The following PBX1 variants were observed in gnomAD, a reference collection of about 807,000 sequenced individuals.
PBX1 encodes the protein PBX homeobox 1, also known as pre-B-cell leukemia transcription factor 1.
PBX1 carries 6 observed loss-of-function variants against 53.4 expected under a neutral mutation model. The observed-to-expected ratio is 0.11, with a 90% CI of 0.06 to 0.22. The LOEUF (loss-of-function observed/expected upper bound fraction) is 0.22, where lower values mean the gene tolerates loss of function less well. PBX1 is among the 10% of genes least tolerant of loss of function. PBX1 has a pLI of 1.00. For missense variants in PBX1, 251 were observed against 551.4 expected (o/e 0.46, Z 5.46); for synonymous variants, 204 against 212.3 (o/e 0.96, Z 0.34).
chr1:164,736,465 C>T (rs1035246447), intron 2 of PBX1, among the ~76,000 whole-genome samples: 6 of 152,148 alleles, frequency 3.9e-5, no homozygotes, highest in Non-Finnish European at 8.8e-5. Flanking sequence ...CTCTCTCATT[C>T]CACGCTCTCT....
intron 2 of PBX1, among the ~76,000 whole-genome samples, chr1:164,705,485 A>G (rs1432206914): frequency 2.6e-5 from 4 of 152,208 alleles, no homozygotes; most frequent in African/African-American, 9.6e-5. Context: ...TGGGGATCAT[A>G]TCACTATGTG....
rs984590584 is a variant in PBX1 at position 164,875,396 on chromosome 1, G to C, written n.258-23792G>C. On this transcript the variant is annotated intron_variant and non_coding_transcript_variant, in intron 2 of 2. Transcript: ENST00000558796. ...TAGTTCACTGCAACCTTGACCTCTT[G>C]GGCTCAAGAGATCCTCACACTTCAG... Among the ~76,000 whole-genome samples the C allele has an allele frequency of 5.9e-5, 9 of 152,188 alleles. No individual in the cohort carries two copies. In the South Asian group the frequency reaches 1.0e-3, roughly 18 times the overall value.
intron 2 of PBX1, among the ~76,000 whole-genome samples, chr1:164,707,479 C>A (rs1018225896): frequency 6.7e-6 from 1 of 149,524 alleles, no homozygotes; most frequent in Non-Finnish European, 1.5e-5. Context: ...CCCTGTAATC[C>A]TGTCTCATAC....
At chr1:164,856,910 G>A (rs564592498) in intron 2 of PBX1, among the ~76,000 whole-genome samples, 13 of 152,092 alleles carry the variant, frequency 8.5e-5, no homozygotes, top group Admixed American at 2.6e-4. Flanking sequence ...GAACACATTG[G>A]TTGCTCACTA....
intron 2 of PBX1, among the ~76,000 whole-genome samples, chr1:164,768,314 T>C (rs1339446037): frequency 6.6e-6 from 1 of 152,136 alleles, no homozygotes. Context: ...CAAGCTTGTA[T>C]TCTTCCCACA....
chr1:164,732,050 G>T (rs2102140368), intron 2 of PBX1, among the ~76,000 whole-genome samples: 1 of 152,268 alleles, frequency 6.6e-6, no homozygotes, highest in South Asian at 2.1e-4. Context: ...GGACAACCTG[G>T]ACAGTGATGC....
chr1:164,654,964 G>A (rs1455734735), intron 2 of PBX1, among the ~76,000 whole-genome samples: 3 of 152,180 alleles, frequency 2.0e-5, no homozygotes, highest in Non-Finnish European at 4.4e-5. Context: ...ATGGAAGATG[G>A]GCTCCTAGCG....
chr1:164,784,442 A>G (rs950958586), intron 2 of PBX1, among the ~76,000 whole-genome samples: 2 of 152,232 alleles, frequency 1.3e-5, no homozygotes, highest in Non-Finnish European at 2.9e-5. Context: ...ATCCATGCCC[A>G]TGCATCCCCT....
At chr1:164,856,005 G>T (rs1403863090), downstream of PBX1, among the ~76,000 whole-genome samples, 1 of 152,112 alleles carries the variant, frequency 6.6e-6, no homozygotes, top group Non-Finnish European at 1.5e-5. Flanking sequence ...TTTAAACCCT[G>T]CATTCCTAAT....
intron 8 of PBX1, among the ~76,000 whole-genome samples, chr1:164,821,840 A>G (rs1367284531): frequency 2.0e-5 from 3 of 152,112 alleles, no homozygotes; most frequent in Admixed American, 6.5e-5. Context: ...GCTGGCGTCT[A>G]GGGCTGTCAG....
At chr1:164,797,969 G>A (rs968799286) in intron 3 of PBX1, among the ~76,000 whole-genome samples, 2 of 152,196 alleles carry the variant, frequency 1.3e-5, no homozygotes, top group Non-Finnish European at 2.9e-5. Flanking sequence ...TGAGGGATTT[G>A]CTCAGTCTGC....
In PBX1 at chr1:164,612,668, G is replaced by A. The variant is rs542252124; in HGVS notation, c.265+49357G>A. On this transcript the variant is annotated intron_variant, in intron 2 of 8. Coordinates refer to ENST00000420696, the MANE Select transcript of PBX1 (RefSeq NM_002585.4). ...AGACAAAAGATTCTAGACTGGAAAGGTGCCTGGCACTCAGCTGGAGCACTG... is the reference window on the plus strand; with the variant it reads ...AGACAAAAGATTCTAGACTGGAAAGATGCCTGGCACTCAGCTGGAGCACTG... Among the ~76,000 whole-genome samples the A allele has an allele frequency of 3.3e-5, 5 of 152,126 alleles. No individual in the cohort carries two copies. The East Asian group carries it at 5.8e-4, about 18-fold the overall frequency.
At chr1:164,844,222 T>C (rs1453383235) in intron 8 of PBX1, among the ~76,000 whole-genome samples, 1 of 152,042 alleles carries the variant, frequency 6.6e-6, no homozygotes, top group Non-Finnish European at 1.5e-5. Flanking sequence ...TCATTTTTAT[T>C]CCTGAAACAC....
At chr1:164,753,955 T>C (rs575472736) in intron 2 of PBX1, among the ~76,000 whole-genome samples, 2 of 152,184 alleles carry the variant, frequency 1.3e-5, no homozygotes, top group South Asian at 2.1e-4. Flanking sequence ...TTCTGTTTAG[T>C]GTGGTGGAGA....
At chr1:164,880,613 A>G (rs78243719) in intron 2 of PBX1, among the ~76,000 whole-genome samples, 7,362 of 152,250 alleles carry the variant, frequency 0.048, 217 homozygotes, top group East Asian at 0.096. Context: ...TTCAGTTGAC[A>G]AAGTTGACAG....
chr1:164,703,410 G>A (rs556102266), intron 2 of PBX1: 2 of 152,336 alleles, frequency 1.3e-5, no homozygotes, highest in Non-Finnish European at 2.9e-5. Flanking sequence ...CATTGTGAGT[G>A]AGAGGAGAAT....
chr1:164,770,899 G>A lies in PBX1; in HGVS notation c.266-21595G>A, dbSNP rs1667332582. ...AAAGACTGCTGCTTGTCCTGTGTTG[G>A]GCCAATCCTTTTCAGCAAGGTAATT... On this transcript the variant is annotated intron_variant, in intron 2 of 8. Transcript: ENST00000420696. 3.9e-5 allele frequency: 6 copies of A among 152,176 alleles called. No individual in the cohort carries two copies. In the South Asian group the frequency reaches 1.3e-3, roughly 32 times the overall value. 9.4% of individuals were successfully genotyped at this position (152,176 alleles called of 1,614,324 possible). A position where few individuals can be genotyped will look rare whatever the true frequency, so the allele number is the denominator to read the frequency against.
At position 164,593,018 on chromosome 1, in the gene PBX1, C is replaced by G. The variant is rs189778783; in HGVS notation, c.265+29707C>G. On this transcript the variant is annotated intron_variant, in intron 2 of 8. Coordinates refer to ENST00000420696, the MANE Select transcript of PBX1 (RefSeq NM_002585.4). ...TGTAGCCCAGGCTGGAGTGCAGTGC[C>G]GTGATCTTGGCTCACTGCAACCTCT... Among the ~76,000 whole-genome samples the G allele has an allele frequency of 4.6e-5, 7 of 151,854 alleles. No individual in the cohort carries two copies. In the East Asian group the frequency reaches 1.2e-3, roughly 25 times the overall value.
chr1:164,684,884 A>G (rs1662011059), intron 2 of PBX1: 1 of 152,246 alleles, frequency 6.6e-6, no homozygotes, highest in Admixed American at 6.5e-5. Context: ...TACTGAAAGT[A>G]AATAAACCTT....
Sources: allele counts gnomAD v4.1 joint callset (sites outside exome capture counted in the v4.1 genomes callset), GRCh38; gene constraint gnomAD v4.1.1; transcripts MANE v1.5; gene names NCBI Gene and HGNC (gene_info 2026-07-23, HGNC 2026-07-21).